Variants in SUSD4 observed in about 807,000 individuals in gnomAD.
The protein encoded by SUSD4 is sushi domain-containing protein 4.
A neutral mutation model predicts 50.5 loss-of-function variants in SUSD4; 41 were observed. The observed-to-expected ratio is 0.81, with a 90% CI of 0.63 to 1.05. SUSD4 has a LOEUF of 1.05. Ranked by LOEUF, SUSD4 falls within the 50% of genes least tolerant of loss-of-function variation. SUSD4 has a pLI of 0.00. For synonymous variants in SUSD4, 257 were observed against 257.3 expected, an observed-to-expected ratio of 1.00 and a Z score of 0.01; for missense variants, 580 against 634.7, an observed-to-expected ratio of 0.91 and a Z score of 0.93.
At chr1:223,288,333 T>C (rs1412054967) in intron 3 of SUSD4, among the ~76,000 whole-genome samples, 2 of 152,226 alleles carry the variant, frequency 1.3e-5, no homozygotes, top group Non-Finnish European at 2.9e-5. Flanking sequence ...GCCATGAGTG[T>C]AAGTTTCCTG....
chr1:223,242,374 C>T (rs1382281886), intron 5 of SUSD4, among the ~76,000 whole-genome samples: 1 of 152,178 alleles, frequency 6.6e-6, no homozygotes, highest in Non-Finnish European at 1.5e-5. Context: ...TTGAGTGGGA[C>T]AGTCTGGTGT....
At position 223,221,331 on chromosome 1, in the gene SUSD4, G is replaced by A. The variant is rs746282440; in HGVS notation, c.*861C>T. 5 of 382,822 alleles carry A rather than the reference G, an allele frequency of 1.3e-5. No homozygotes were observed. Among genetic ancestry groups the A allele is most frequent in the Non-Finnish European group, 2.3e-5 (5 of 216,676 alleles). The allele number at this position is 382,822 out of a possible 1,614,324, so 23.7% of individuals were successfully genotyped here. On this transcript the variant is annotated 3_prime_UTR_variant, in exon 9 of 9. Coordinates refer to ENST00000366878, the MANE Select transcript of SUSD4 (RefSeq NM_017982.4). ...CTCATGATTCTGAGATAAATGTTAAGTGGAGTCTTTTTAAAATGCTGAAAC... is the reference window on the plus strand; with the variant it reads ...CTCATGATTCTGAGATAAATGTTAAATGGAGTCTTTTTAAAATGCTGAAAC...
chr1:223,230,491 A>C (rs559112746), intron 5 of SUSD4: 1 of 152,206 alleles, frequency 6.6e-6, no homozygotes, highest in African/African-American at 2.4e-5. Context: ...CCCACCATAC[A>C]GGCCAGAAGA....
At chr1:223,362,902 G>A (rs879342895) in intron 2 of SUSD4, among the ~76,000 whole-genome samples, 3 of 150,392 alleles carry the variant, frequency 2.0e-5, no homozygotes, top group Non-Finnish European at 2.9e-5. Context: ...TTGGCAAGAG[G>A]TCCACAAATA....
At chr1:223,255,524 T>C (rs1286944686) in intron 5 of SUSD4, among the ~76,000 whole-genome samples, 1 of 152,114 alleles carries the variant, frequency 6.6e-6, no homozygotes, top group African/African-American at 2.4e-5. Flanking sequence ...TATGTAAATA[T>C]ATAAAACAGA....
chr1:223,291,566 C>T (rs1664495086), intron 3 of SUSD4, among the ~76,000 whole-genome samples: 1 of 143,448 alleles, frequency 7.0e-6, no homozygotes, highest in Admixed American at 6.9e-5. Context: ...TACACTAAAT[C>T]ATGACAATAG....
chr1:223,302,948 G>A (rs901299466), intron 2 of SUSD4, among the ~76,000 whole-genome samples: 6 of 151,858 alleles, frequency 4.0e-5, no homozygotes, highest in Non-Finnish European at 8.8e-5. Context: ...GACCAGCCTC[G>A]GCAACACAAC....
In SUSD4 at chr1:223,227,849, G is replaced by A. The variant is rs1348273758; in HGVS notation, c.917-111C>T. 1 of 1,398,660 alleles carries A rather than the reference G, an allele frequency of 7.1e-7. No individual in the cohort carries two copies. The highest frequency in any genetic ancestry group is 9.6e-7 in the Non-Finnish European group (1 of 1,038,046). The allele number at this position is 1,398,660 out of a possible 1,614,324, so 86.6% of individuals were successfully genotyped here. A position where few individuals can be genotyped will look rare whatever the true frequency, so the allele number is the denominator to read the frequency against. On this transcript the variant is annotated intron_variant, in intron 6 of 8. Transcript: ENST00000366878. This position sits in a 1 kb window ranked among gnomAD's most constrained non-coding sequence, Gnocchi z 4.5. ...ATCTGGCACAAGAGATGCGTGCAAG[G>A]TGCCTCTGACCCCCAGGGCTCGGCA...
At chr1:223,337,683 TC>T (rs1667534895) in intron 2 of SUSD4, among the ~76,000 whole-genome samples, 1 of 152,172 alleles carries the variant, frequency 6.6e-6, no homozygotes, top group Non-Finnish European at 1.5e-5. Context: ...GGACACATTG[TC>T]CCCTCCCTCA....
chr1:223,351,465 G>GCACAC (rs1668362556), intron 2 of SUSD4, among the ~76,000 whole-genome samples: 1 of 152,188 alleles, frequency 6.6e-6, no homozygotes, highest in Non-Finnish European at 1.5e-5. Flanking sequence ...GCTCTCTCCA[G>GCACAC]CACACCACAC....
intron 2 of SUSD4, among the ~76,000 whole-genome samples, chr1:223,344,842 C>G (rs1667944938): frequency 6.6e-6 from 1 of 152,158 alleles, no homozygotes; most frequent in African/African-American, 2.4e-5. Flanking sequence ...GGACAGTTTT[C>G]CTGAGTTCAG....
At chr1:223,255,662 G>C (rs1484091350) in intron 5 of SUSD4, among the ~76,000 whole-genome samples, 1 of 152,172 alleles carries the variant, frequency 6.6e-6, no homozygotes, top group African/African-American at 2.4e-5. Flanking sequence ...GCTAGAGGAG[G>C]CGAGGGAAGG....
chr1:223,345,758 AT>A (rs780659213), intron 2 of SUSD4, among the ~76,000 whole-genome samples: 6 of 152,316 alleles, frequency 3.9e-5, no homozygotes, highest in Non-Finnish European at 7.3e-5. Flanking sequence ...TCTTCCTGAC[AT>A]CTCCATTGCA....
chr1:223,303,136 G>A (rs1323798722), intron 2 of SUSD4, among the ~76,000 whole-genome samples: 1 of 152,010 alleles, frequency 6.6e-6, no homozygotes, highest in Non-Finnish European at 1.5e-5. Context: ...CTGGGCAACA[G>A]AGCAAGACCC....
chr1:223,311,905 C>T (rs369936897), intron 2 of SUSD4, among the ~76,000 whole-genome samples: 8 of 152,050 alleles, frequency 5.3e-5, no homozygotes, highest in Admixed American at 1.3e-4. Flanking sequence ...TAGAACTTTA[C>T]GCTCCAGGAT....
chr1:223,223,183 C>T, intron 8 of SUSD4, 66 bp downstream of exon 8: 1 of 1,495,652 alleles, frequency 6.7e-7, no homozygotes, highest in South Asian at 1.4e-5. Flanking sequence ...TAGCAAGGAG[C>T]TGGCTTGAAG....
At chr1:223,281,265 C>CA (rs1663703719) in intron 3 of SUSD4, among the ~76,000 whole-genome samples, 1 of 151,926 alleles carries the variant, frequency 6.6e-6, no homozygotes, top group South Asian at 2.1e-4. Context: ...AATAGAGGCA[C>CA]AAAAAACCCT....
chr1:223,332,465 A>G lies in SUSD4; in HGVS notation c.148+30813T>C, dbSNP rs898976548. Among the ~76,000 whole-genome samples the G allele has an allele frequency of 1.3e-5, 2 of 152,210 alleles. No individual in the cohort carries two copies. The highest frequency in any genetic ancestry group is 4.8e-5 in the African/African-American group (2 of 41,464). On this transcript the variant is annotated intron_variant, in intron 2 of 8. Transcript: ENST00000366878. This position sits in a 1 kb window ranked among gnomAD's most constrained non-coding sequence, Gnocchi z 4.0. The stretch of plus-strand genomic sequence containing the variant: ...CTAGTATCTGTAACAATTTTCAGGC[A>G]CTAGCATTACCTAACACCAGCTTTC...
intron 7 of SUSD4, 137 bp from the exon 8 acceptor site, chr1:223,223,768 G>C: frequency 1.8e-6 from 2 of 1,100,538 alleles, no homozygotes; most frequent in South Asian, 3.8e-5. Context: ...TAATATGGAA[G>C]AACCAGCCTC....
Sources: allele counts gnomAD v4.1 joint callset (sites outside exome capture counted in the v4.1 genomes callset), GRCh38; gene constraint gnomAD v4.1.1; non-coding constraint Gnocchi (gnomAD v3.1); transcripts MANE v1.5; gene names NCBI Gene and HGNC (gene_info 2026-07-23, HGNC 2026-07-21).